Variants in COL7A1 observed in about 807,000 individuals in gnomAD.
COL7A1 encodes the protein collagen alpha-1(VII) chain.
In COL7A1, 296 loss-of-function variants were observed where a neutral mutation model predicts 456.2. The ratio of observed to expected loss-of-function variants is 0.65; its 90% CI spans 0.59 to 0.71. The LOEUF (loss-of-function observed/expected upper bound fraction) is 0.71, where lower values mean the gene tolerates loss of function less well. Among genes scored for constraint, COL7A1 ranks in the 30% least tolerant of loss-of-function variants. The pLI, the probability that COL7A1 is intolerant of heterozygous loss-of-function variation, is 0.00. For missense variants in COL7A1, 3,441 were observed against 4,017.2 expected (o/e 0.86, Z 3.88); for synonymous variants, 1,464 against 1,525.9 (o/e 0.96, Z 0.95).
Position 48,584,637 on chromosome 3 carries a change from T to A in COL7A1, c.4048-81A>T. The A allele has an allele frequency of 1.9e-6, 3 of 1,611,878 alleles. No homozygotes were observed. The South Asian group carries it at 3.3e-5, about 18-fold the overall frequency. ...AGAAGCCCCTAGACATGTCCAGCTA[T>A]TCCTATTCGCGCCTTAGGCCCTGCA... On this transcript the variant is annotated intron_variant, in intron 35 of 118. Transcript: ENST00000681320.
rs2044361108 is a variant in COL7A1 at position 48,577,034 on chromosome 3, G to A, written c.5533-7C>T. Reference sequence around the variant, plus strand: ...CAGGGTCCCCAGGTTCTCCCTGTGGGCAGAGGACTCACATCAGCCCAAACA... The same window carrying A: ...CAGGGTCCCCAGGTTCTCCCTGTGGACAGAGGACTCACATCAGCCCAAACA... On this transcript the variant is annotated splice_region_variant and splice_polypyrimidine_tract_variant and intron_variant, in intron 65 of 118. Coordinates refer to ENST00000681320, the MANE Select transcript of COL7A1 (RefSeq NM_000094.4). The A allele has an allele frequency of 6.2e-7, 1 of 1,613,792 alleles. No homozygotes were observed. The highest frequency in any genetic ancestry group is 1.3e-5 in the African/African-American group (1 of 74,934).
Position 48,580,357 on chromosome 3 carries a change from A to T in COL7A1, c.5053-13T>A. ...ATCCAGGGCTGCCCTGCAGAAAGGC[A>T]GGGGTCAGGGCCACTCAAGGTAGGC... On this transcript the variant is annotated splice_polypyrimidine_tract_variant and intron_variant, in intron 55 of 118. Transcript: ENST00000681320. This position sits in a 1 kb window ranked among gnomAD's most constrained non-coding sequence, Gnocchi z 4.5. 6.2e-7 allele frequency: 1 copy of T among 1,607,682 alleles called. No individual in the cohort carries two copies.
chr3:48,579,854 G>A lies in COL7A1; in HGVS notation c.5125-40C>T. Reference sequence around the variant, plus strand: ...ACCAGTGAGAAGAATGGCTCAACAAGGGGAAGAGGAGTTGGCGAGGGGATA... The same window carrying A: ...ACCAGTGAGAAGAATGGCTCAACAAAGGGAAGAGGAGTTGGCGAGGGGATA... On this transcript the variant is annotated intron_variant, in intron 57 of 118. Coordinates refer to ENST00000681320, the MANE Select transcript of COL7A1 (RefSeq NM_000094.4). The surrounding 1 kb of genome is among the most constrained non-coding windows in gnomAD (Gnocchi z 4.4). The A allele has an allele frequency of 1.2e-6, 2 of 1,613,984 alleles. No individual in the cohort carries two copies.
rs912293106 is a variant in COL7A1, at chr3:48,571,349, A to G, written c.7069-71T>C. On this transcript the variant is annotated intron_variant, in intron 92 of 118. Coordinates refer to ENST00000681320, the MANE Select transcript of COL7A1 (RefSeq NM_000094.4). This position sits in a 1 kb window ranked among gnomAD's most constrained non-coding sequence, Gnocchi z 4.6. ...CACAGAGTTCAGACACGGGCTGAAA[A>G]TATTCCCAGGGGAGTTCTGATGTGA... is the stretch of plus-strand genomic sequence containing the variant. 1.9e-6 allele frequency: 3 copies of G among 1,581,270 alleles called. No homozygotes were observed. Among genetic ancestry groups the G allele is most frequent in the Non-Finnish European group, 2.6e-6 (3 of 1,151,712 alleles).
At position 48,589,737 on chromosome 3, in the gene COL7A1, G is replaced by A; in HGVS notation, c.2051-19C>T. The A allele has an allele frequency of 1.2e-6, 2 of 1,614,016 alleles. No individual in the cohort carries two copies. The highest frequency in any genetic ancestry group is 1.3e-5 in the African/African-American group (1 of 75,034). On this transcript the variant is annotated intron_variant, in intron 16 of 118. Coordinates refer to ENST00000681320, the MANE Select transcript of COL7A1 (RefSeq NM_000094.4). ...AGTGGGTCTAGTGGGGAGAGGCAAT[G>A]GGGAGTCTGCTGGAACAGGCAGGAA... is the stretch of plus-strand genomic sequence containing the variant.
chr3:48,564,794 C>A lies in COL7A1; in HGVS notation c.8807G>T (p.Ser2936Ile). 3 of 1,613,764 alleles carry A rather than the reference C, an allele frequency of 1.9e-6. No homozygotes were observed. The highest frequency in any genetic ancestry group is 2.5e-6 in the Non-Finnish European group (3 of 1,179,910). The change falls in exon 118 of 119, where the codon AGC becomes ATC. Residue 2936 changes from serine to isoleucine, a missense_variant. Around this residue, in one of 3 missense-constraint regions of COL7A1, gnomAD observed 2,084 missense variants for 2,501.3 expected, o/e 0.83. Transcript: ENST00000681320. This position sits in a 1 kb window ranked among gnomAD's most constrained non-coding sequence, Gnocchi z 6.0. ...ERRCPPRVVQ[S>I]QGTGTAQD ...GGCTCAGCCCATACCTGTCCCCTGGCTCTGGACCACCCGGGGTGGGCAGCG... is the reference window on the plus strand; with the variant it reads ...GGCTCAGCCCATACCTGTCCCCTGGATCTGGACCACCCGGGGTGGGCAGCG...
rs2107653452 is a variant in COL7A1 at position 48,571,852 on chromosome 3, C to T, written c.7068+149G>A. On this transcript the variant is annotated intron_variant, in intron 92 of 118. Transcript: ENST00000681320. The surrounding 1 kb of genome is among the most constrained non-coding windows in gnomAD (Gnocchi z 4.6). ...GTGTGGAAGCCGACAGTGTGTGGCT[C>T]CCTGTGATCCAGAGAGCAGGCTCCT... 1 of 962,900 alleles carries T rather than the reference C, an allele frequency of 1.0e-6. No homozygotes were observed. Among genetic ancestry groups the T allele is most frequent in the East Asian group, 2.6e-5 (1 of 38,146 alleles). 59.6% of individuals were successfully genotyped at this position (962,900 alleles called of 1,614,324 possible). A position where few individuals can be genotyped will look rare whatever the true frequency, so the allele number is the denominator to read the frequency against.
Position 48,567,142 on chromosome 3 carries a change from C to T in COL7A1, c.8095G>A (p.Glu2699Lys), listed in dbSNP as rs200938473. Residue 2699 changes from glutamate to lysine, a missense_variant, in exon 110 of 119, where the codon GAG becomes AAG. By Grantham distance (56) the Glu-to-Lys change is moderately conservative (BLOSUM62 1). This residue lies in a region of COL7A1 where 2,084 missense variants were observed against 2,501.3 expected (regional missense o/e 0.83). Coordinates refer to ENST00000681320, the MANE Select transcript of COL7A1 (RefSeq NM_000094.4). The surrounding 1 kb of genome is among the most constrained non-coding windows in gnomAD (Gnocchi z 4.3). ...GQPGPKGDQG[E>K]KGERGTPGIG... Reference sequence around the variant, plus strand: ...CTTCAACTCACCCGCTCCCCTTTCTCGCCCTGGTCACCCTTGGGGCCTGGC... The same window carrying T: ...CTTCAACTCACCCGCTCCCCTTTCTTGCCCTGGTCACCCTTGGGGCCTGGC... 77 of 1,614,090 alleles carry T rather than the reference C, an allele frequency of 4.8e-5. 1 individual carries two copies. The East Asian group carries it at 1.2e-3, about 26-fold the overall frequency.
intron 47 of COL7A1, 110 bp from the exon 48 acceptor site, chr3:48,582,053 C>T (rs1046992011): frequency 2.3e-5 from 34 of 1,497,466 alleles, no homozygotes; most frequent in African/African-American, 1.2e-4. Context: ...GCTCAGTCCC[C>T]GCCCAGAAGT....
Position 48,564,374 on chromosome 3 carries a change from G to A in COL7A1, c.*32C>T, listed in dbSNP as rs1237759683. Reference sequence around the variant, plus strand: ...TCTGCTGAGACCCCGACTCCTCCAGGGGATGCTGAATCTCAGCTCATTATC... The same window carrying A: ...TCTGCTGAGACCCCGACTCCTCCAGAGGATGCTGAATCTCAGCTCATTATC... On this transcript the variant is annotated 3_prime_UTR_variant, in exon 119 of 119. Transcript: ENST00000681320. The surrounding 1 kb of genome is among the most constrained non-coding windows in gnomAD (Gnocchi z 6.0). 2 of 1,613,690 alleles carry A rather than the reference G, an allele frequency of 1.2e-6. No individual in the cohort carries two copies. The highest frequency in any genetic ancestry group is 1.3e-5 in the African/African-American group (1 of 74,930).
chr3:48,585,219 A>AC lies in COL7A1; in HGVS notation c.3895-104dup. 8.7e-7 allele frequency: 1 copy of AC among 1,144,916 alleles called. No individual in the cohort carries two copies. The highest frequency in any genetic ancestry group is 2.5e-5 in the East Asian group (1 of 39,612). 70.9% of individuals were successfully genotyped at this position (1,144,916 alleles called of 1,614,324 possible). ...CAACAAGGGGTCGCCTACCCCACTG[A>AC]CCCCCAAGTGTTATTGGGGGTGGAA... On this transcript the variant is annotated intron_variant, in intron 32 of 118. Transcript: ENST00000681320. This position sits in a 1 kb window ranked among gnomAD's most constrained non-coding sequence, Gnocchi z 4.5.
rs987066762 is a variant in COL7A1 at position 48,574,132 on chromosome 3, G to A, written c.6501+130C>T. On this transcript the variant is annotated intron_variant, in intron 80 of 118. Transcript: ENST00000681320. The surrounding 1 kb of genome is among the most constrained non-coding windows in gnomAD (Gnocchi z 5.0). ...ACACAGACACAGGCACACACAAGCAGGCACACACAGAGAGGCACACAGACA... is the reference window on the plus strand; with the variant it reads ...ACACAGACACAGGCACACACAAGCAAGCACACACAGAGAGGCACACAGACA... 2.4e-6 allele frequency: 3 copies of A among 1,247,998 alleles called. No homozygotes were observed. The highest frequency in any genetic ancestry group is 3.5e-6 in the Non-Finnish European group (3 of 860,912). The allele number at this position is 1,247,998 out of a possible 1,614,324, so 77.3% of individuals were successfully genotyped here.
In COL7A1 at chr3:48,594,688, T is replaced by C; in HGVS notation, c.86-140A>G. ...AACCAGGGCCGAATCGGCCTGAGCCTGAGGGCCTTGGAGGGAGTTGAGCTC... is the reference window on the plus strand; with the variant it reads ...AACCAGGGCCGAATCGGCCTGAGCCCGAGGGCCTTGGAGGGAGTTGAGCTC... On this transcript the variant is annotated intron_variant, in intron 2 of 118. Transcript: ENST00000681320. This position sits in a 1 kb window ranked among gnomAD's most constrained non-coding sequence, Gnocchi z 5.5. The C allele has an allele frequency of 9.4e-7, 1 of 1,063,088 alleles. No homozygotes were observed. The highest frequency in any genetic ancestry group is 2.2e-5 in the Admixed American group (1 of 45,440). The allele number at this position is 1,063,088 out of a possible 1,614,324, so 65.9% of individuals were successfully genotyped here. A position where few individuals can be genotyped will look rare whatever the true frequency, so the allele number is the denominator to read the frequency against.
rs1413082268 is a variant in COL7A1, at chr3:48,589,485, G to A, written c.2171-15C>T. 6.2e-7 allele frequency: 1 copy of A among 1,613,412 alleles called. No individual in the cohort carries two copies. Among genetic ancestry groups the A allele is most frequent in the African/African-American group, 1.3e-5 (1 of 75,024 alleles). On this transcript the variant is annotated splice_polypyrimidine_tract_variant and intron_variant, in intron 17 of 118. Transcript: ENST00000681320. Reference sequence around the variant, plus strand: ...TTTCTCTGGGCCTGGGAACAGGGATGGAGGCAGCTCCAGGGCTAGCAAACT... The same window carrying A: ...TTTCTCTGGGCCTGGGAACAGGGATAGAGGCAGCTCCAGGGCTAGCAAACT...
chr3:48,574,401 G>A lies in COL7A1; in HGVS notation c.6456+87C>T. On this transcript the variant is annotated intron_variant, in intron 79 of 118. Coordinates refer to ENST00000681320, the MANE Select transcript of COL7A1 (RefSeq NM_000094.4). The surrounding 1 kb of genome is among the most constrained non-coding windows in gnomAD (Gnocchi z 5.0). ...CAGAGTCAGGACCCAGACAGTCCCA[G>A]GCAGTACAGACCCCAGCCCTGCACA... The A allele has an allele frequency of 1.9e-6, 3 of 1,612,224 alleles. No homozygotes were observed. The highest frequency in any genetic ancestry group is 2.2e-5 in the South Asian group (2 of 91,016).
In COL7A1 at chr3:48,579,665, C is replaced by G. The variant is rs1468509113; in HGVS notation, c.5158G>C (p.Glu1720Gln). ...CCCTCTTGTCCGCGGTCCCCAGGCT[C>G]TCCCTGTGGCAGAGATAAGCTTGCT... ...DTGPGAREKG[E>Q]PGDRGQEGPR... The change falls in exon 59 of 119, where the codon GAG (glutamate) becomes CAG (glutamine). Residue 1720 changes from glutamate (E) to glutamine (Q), a missense_variant. By Grantham distance (29) the Glu-to-Gln change is conservative. Coordinates refer to ENST00000681320, the MANE Select transcript of COL7A1 (RefSeq NM_000094.4). This position sits in a 1 kb window ranked among gnomAD's most constrained non-coding sequence, Gnocchi z 4.4. 6.2e-7 allele frequency: 1 copy of G among 1,613,718 alleles called. No individual in the cohort carries two copies. The highest frequency in any genetic ancestry group is 8.5e-7 in the Non-Finnish European group (1 of 1,179,996).
chr3:48,590,094 G>A lies in COL7A1; in HGVS notation c.2050+119C>T. The A allele has an allele frequency of 9.0e-7, 1 of 1,111,374 alleles. No homozygotes were observed. Among genetic ancestry groups the A allele is most frequent in the Non-Finnish European group, 1.3e-6 (1 of 770,648 alleles). The allele number at this position is 1,111,374 out of a possible 1,614,324, so 68.8% of individuals were successfully genotyped here. ...AGCAGCGTCTCTGAGGGAGGAGGGAGTGGGATTCTGAAGGGGGAGGCAGGA... is the reference window on the plus strand; with the variant it reads ...AGCAGCGTCTCTGAGGGAGGAGGGAATGGGATTCTGAAGGGGGAGGCAGGA... On this transcript the variant is annotated intron_variant, in intron 16 of 118. Coordinates refer to ENST00000681320, the MANE Select transcript of COL7A1 (RefSeq NM_000094.4). This position sits in a 1 kb window ranked among gnomAD's most constrained non-coding sequence, Gnocchi z 4.6.
In COL7A1 at chr3:48,586,787, C is replaced by T; in HGVS notation, c.3277-98G>A. On this transcript the variant is annotated intron_variant, in intron 25 of 118. Transcript: ENST00000681320. This position sits in a 1 kb window ranked among gnomAD's most constrained non-coding sequence, Gnocchi z 5.1. ...ACACATCAGGGTGTGTGTGACCAAA[C>T]CCTATCTATTAGGGAGTCAGCAGTG... 1 of 1,524,606 alleles carries T rather than the reference C, an allele frequency of 6.6e-7. No homozygotes were observed. Among genetic ancestry groups the T allele is most frequent in the Non-Finnish European group, 8.9e-7 (1 of 1,126,956 alleles). 94.4% of individuals were successfully genotyped at this position (1,524,606 alleles called of 1,614,324 possible).
Position 48,590,207 on chromosome 3 carries a change from C to A in COL7A1, c.2050+6G>T, listed in dbSNP as rs1362645706. 3.1e-6 allele frequency: 5 copies of A among 1,612,742 alleles called. No homozygotes were observed. The highest frequency in any genetic ancestry group is 4.2e-6 in the Non-Finnish European group (5 of 1,179,698). On this transcript the variant is annotated splice_donor_region_variant and intron_variant, in intron 16 of 118. Coordinates refer to ENST00000681320, the MANE Select transcript of COL7A1 (RefSeq NM_000094.4). This position sits in a 1 kb window ranked among gnomAD's most constrained non-coding sequence, Gnocchi z 4.6. ...AGAGAGCCAAGGGACGGGGGCAGGG[C>A]CTGACCCGTTCGAGCCACGATGACT...
Sources: allele counts gnomAD v4.1 joint callset, GRCh38; gene constraint gnomAD v4.1.1; regional missense constraint gnomAD v4.1.1; non-coding constraint Gnocchi (gnomAD v3.1); transcripts MANE v1.5; gene names NCBI Gene and HGNC (gene_info 2026-07-23, HGNC 2026-07-21).